The following STX8 variants were observed in gnomAD, a reference collection of about 807,000 sequenced individuals.
STX8 encodes syntaxin 8, also known as syntaxin-8.
In STX8, 23 loss-of-function variants were observed where a neutral mutation model predicts 37.5. The ratio of observed to expected loss-of-function variants is 0.61; its 90% CI spans 0.44 to 0.87. The LOEUF (loss-of-function observed/expected upper bound fraction) is 0.87, where lower values mean the gene tolerates loss of function less well. STX8 is among the 40% of genes least tolerant of loss of function. STX8 has a pLI of 0.00. For synonymous variants in STX8, 115 were observed against 99.1 expected (o/e 1.16, Z -0.95); for missense variants, 313 against 284.7 (o/e 1.10, Z -0.71).
At chr17:9,331,558 T>C (rs1330201072) in intron 7 of STX8, among the ~76,000 whole-genome samples, 1 of 152,224 alleles carries the variant, frequency 6.6e-6, no homozygotes, top group East Asian at 1.9e-4. Context: ...CCGGGTGTCC[T>C]GCAGGGAAAA....
chr17:9,251,543 T>C (rs1196084438), intron 7 of STX8, among the ~76,000 whole-genome samples: 1 of 151,462 alleles, frequency 6.6e-6, no homozygotes, highest in Non-Finnish European at 1.5e-5. Flanking sequence ...ACGAGAGAGG[T>C]GGGTAGCAGA....
At chr17:9,333,464 T>C (rs1451851416) in intron 7 of STX8, among the ~76,000 whole-genome samples, 1 of 152,202 alleles carries the variant, frequency 6.6e-6, no homozygotes, top group Non-Finnish European at 1.5e-5. Flanking sequence ...CTCGGCTCAC[T>C]GCAAGCTCCG....
At chr17:9,442,157 T>C (rs1279483206) in intron 6 of STX8, among the ~76,000 whole-genome samples, 1 of 152,222 alleles carries the variant, frequency 6.6e-6, no homozygotes, top group Admixed American at 6.5e-5. Flanking sequence ...GTGTGCCCTA[T>C]GGCAGTCAAG....
rs1306710687 is a variant in STX8, at chr17:9,555,891, G to A, written c.212+1543C>T. Reference sequence around the variant, plus strand: ...AGCCTGGGCAACAGAGCAAGACTCCGTCTCAAAAAAAAAAAAAAAAATTAG... The same window carrying A: ...AGCCTGGGCAACAGAGCAAGACTCCATCTCAAAAAAAAAAAAAAAAATTAG... On this transcript the variant is annotated intron_variant, in intron 3 of 7. Coordinates refer to ENST00000306357, the MANE Select transcript of STX8 (RefSeq NM_004853.3). Among the ~76,000 whole-genome samples the A allele has an allele frequency of 3.2e-4, 46 of 141,614 alleles. No homozygotes were observed. The East Asian group carries it at 3.4e-3, about 10-fold the overall frequency. 92.9% of individuals were successfully genotyped at this position (141,614 alleles called of 152,430 possible). A position where few individuals can be genotyped will look rare whatever the true frequency, so the allele number is the denominator to read the frequency against.
At chr17:9,473,628 C>A (rs1029697561) in intron 6 of STX8, among the ~76,000 whole-genome samples, 1 of 152,124 alleles carries the variant, frequency 6.6e-6, no homozygotes, top group African/African-American at 2.4e-5. Context: ...AGAAAAAAGT[C>A]TGCACATGTT....
intron 6 of STX8, among the ~76,000 whole-genome samples, chr17:9,481,497 TCACAGG>T (rs1399246112): frequency 6.6e-6 from 1 of 152,058 alleles, no homozygotes; most frequent in African/African-American, 2.4e-5. Context: ...AGCTCTGAGC[TCACAGG>T]CTGGAGGGCA....
intron 1 of STX8, among the ~76,000 whole-genome samples, chr17:9,573,412 A>G (rs1052563643): frequency 9.8e-5 from 15 of 152,302 alleles, no homozygotes; most frequent in African/African-American, 3.6e-4. Flanking sequence ...CCAATTGCCA[A>G]TCAGAAAATT....
chr17:9,418,677 A>C (rs567486274), intron 6 of STX8, among the ~76,000 whole-genome samples: 2 of 151,438 alleles, frequency 1.3e-5, no homozygotes, highest in Non-Finnish European at 3.0e-5. Context: ...AATACAAAAA[A>C]TTAGCCGGGC....
At chr17:9,362,808 G>A (rs1441927363) in intron 7 of STX8, among the ~76,000 whole-genome samples, 9 of 137,694 alleles carry the variant, frequency 6.5e-5, no homozygotes, top group African/African-American at 1.6e-4. Context: ...GAGCCTGGGC[G>A]ACAGAGTGAG....
intron 7 of STX8, among the ~76,000 whole-genome samples, chr17:9,282,050 T>TC (rs1473709770): frequency 6.6e-6 from 1 of 152,166 alleles, no homozygotes; most frequent in African/African-American, 2.4e-5. Flanking sequence ...CTTCTCCATT[T>TC]CCCCCCTCTA....
chr17:9,520,973 G>A (rs1490290440), intron 4 of STX8, among the ~76,000 whole-genome samples: 2 of 152,208 alleles, frequency 1.3e-5, no homozygotes, highest in African/African-American at 2.4e-5. Flanking sequence ...TGAGTGAGCT[G>A]AGTCTGCAAA....
intron 7 of STX8, among the ~76,000 whole-genome samples, chr17:9,338,009 T>C (rs1471172903): frequency 6.6e-6 from 1 of 151,516 alleles, no homozygotes; most frequent in Non-Finnish European, 1.5e-5. Flanking sequence ...GCTGAGGAGT[T>C]TGGACTTTAT....
chr17:9,355,811 TA>T (rs1389682539), intron 7 of STX8, among the ~76,000 whole-genome samples: 1 of 152,048 alleles, frequency 6.6e-6, no homozygotes, highest in Non-Finnish European at 1.5e-5. Context: ...CCCGGCCACC[TA>T]GCTAATTTTT....
At chr17:9,538,331 G>T (rs1420272809) in intron 4 of STX8, among the ~76,000 whole-genome samples, 1 of 152,036 alleles carries the variant, frequency 6.6e-6, no homozygotes, top group Non-Finnish European at 1.5e-5. Context: ...TTGGTCACGT[G>T]GTAACAACAT....
rs1248061676 is a variant in STX8 at position 9,327,157 on chromosome 17, C to CAA, written c.643+51393_643+51394dup. Among the ~76,000 whole-genome samples the CAA allele has an allele frequency of 9.5e-4, 77 of 81,022 alleles. 1 individual carries two copies. The highest frequency in any genetic ancestry group is 1.2e-4 in the Non-Finnish European group (5 of 41,670). The allele number at this position is 81,022 out of a possible 152,430, so 53.2% of individuals were successfully genotyped here. Reference sequence around the variant, plus strand: ...GGGCAACAAGAGCTAAACTCTGTCTCAAAAAAAAAAAAAGAAGAAGAAGAA... The same window carrying CAA: ...GGGCAACAAGAGCTAAACTCTGTCTCAAAAAAAAAAAAAAAGAAGAAGAAGAA... On this transcript the variant is annotated intron_variant, in intron 7 of 7. Coordinates refer to ENST00000306357, the MANE Select transcript of STX8 (RefSeq NM_004853.3).
Position 9,549,744 on chromosome 17 carries a change from G to A in STX8, c.213-4462C>T, listed in dbSNP as rs754386067. ...GATGGGGAGGAGGGAGATGGAATGA[G>A]AATAAATTGATTAATGAACCATCTG... is the stretch of plus-strand genomic sequence containing the variant. On this transcript the variant is annotated intron_variant, in intron 3 of 7. Transcript: ENST00000306357. Among the ~76,000 whole-genome samples, 54 of 152,148 alleles carry A rather than the reference G, an allele frequency of 3.5e-4. 2 individuals are homozygous for A. Among genetic ancestry groups the A allele is most frequent in the Admixed American group, 6.6e-4 (10 of 15,264 alleles).
chr17:9,469,349 ATCTC>A (rs566723720), intron 6 of STX8: 76 of 123,866 alleles, frequency 6.1e-4, no homozygotes, highest in Non-Finnish European at 8.6e-4. Flanking sequence ...AGTCTGTTTC[ATCTC>A]TCTCTCTCAT....
intron 7 of STX8, among the ~76,000 whole-genome samples, chr17:9,332,347 A>C (rs1210180721): frequency 1.3e-5 from 2 of 152,214 alleles, no homozygotes; most frequent in African/African-American, 2.4e-5. Context: ...ACCAATGAAC[A>C]ATGCGGACGG....
intron 7 of STX8, among the ~76,000 whole-genome samples, chr17:9,345,277 G>A (rs543657146): frequency 6.6e-6 from 1 of 152,078 alleles, no homozygotes; most frequent in East Asian, 1.9e-4. Flanking sequence ...AGCCTTCTCA[G>A]TAGCTGGGAT....
Sources: allele counts gnomAD v4.1 joint callset (sites outside exome capture counted in the v4.1 genomes callset), GRCh38; gene constraint gnomAD v4.1.1; transcripts MANE v1.5; gene names NCBI Gene and HGNC (gene_info 2026-07-23, HGNC 2026-07-21).